Variants in ZSCAN4 observed in about 807,000 individuals in gnomAD.
The protein encoded by ZSCAN4 is zinc finger and SCAN domain containing 4, also known as zinc finger and SCAN domain-containing protein 4.
ZSCAN4 carries 18 observed loss-of-function variants against 18.3 expected under a neutral mutation model. The ratio of observed to expected loss-of-function variants is 0.98; its 90% confidence interval spans 0.68 to 1.46. The LOEUF is 1.46. Among genes scored for constraint, ZSCAN4 ranks in the 40% most tolerant of loss-of-function variants. The pLI, the probability that ZSCAN4 is intolerant of heterozygous loss-of-function variation, is 0.00. For synonymous variants in ZSCAN4, 193 were observed against 180.3 expected (o/e 1.07, Z -0.57); for missense variants, 498 against 511.4 (o/e 0.97, Z 0.25).
At chr19:57,653,917 C>T in the ZSCAN4 span, among the ~76,000 whole-genome samples, 3 of 152,146 alleles carry the variant, frequency 2.0e-5, no homozygotes, top group Non-Finnish European at 4.4e-5. Flanking sequence ...TCAAACAGGT[C>T]CCCCATTCCA....
chr19:57,671,188 A>G (rs994830056), intron 2 of ZSCAN4, among the ~76,000 whole-genome samples: 1 of 152,084 alleles, frequency 6.6e-6, no homozygotes, highest in Non-Finnish European at 1.5e-5. Flanking sequence ...ATTGCATTAT[A>G]TGAAATATGT....
exon 1 of ZSCAN4, chr19:57,668,961 C>T (rs1983932042): frequency 6.6e-6 from 1 of 151,468 alleles, no homozygotes; most frequent in Non-Finnish European, 1.5e-5. Flanking sequence ...TCTCTGAAAA[C>T]TTAAAAGTTT....
chr19:57,670,016 C>G (rs1224367208), intron 1 of ZSCAN4, among the ~76,000 whole-genome samples: 4 of 152,058 alleles, frequency 2.6e-5, no homozygotes, highest in African/African-American at 9.7e-5. Flanking sequence ...AATTCTCCTG[C>G]CTCAGCCTCC....
At chr19:57,657,293 CAAAA>C in the ZSCAN4 span, among the ~76,000 whole-genome samples, 1 of 95,044 alleles carries the variant, frequency 1.1e-5, no homozygotes. Context: ...GACTCCATGT[CAAAA>C]AAAAAAAAAA....
chr19:57,659,173 C>T, the ZSCAN4 span, among the ~76,000 whole-genome samples: 213 of 152,236 alleles, frequency 1.4e-3, no homozygotes, highest in African/African-American at 5.0e-3. Flanking sequence ...CTGTTTCACC[C>T]CATCCTTACC....
At chr19:57,672,878 A>T (rs951735972) in intron 2 of ZSCAN4, among the ~76,000 whole-genome samples, 2 of 152,120 alleles carry the variant, frequency 1.3e-5, no homozygotes, top group African/African-American at 4.8e-5. Flanking sequence ...CTGGGATTAC[A>T]GGGGTGAGCC....
At chr19:57,665,201 A>G (rs867477104), upstream of ZSCAN4, among the ~76,000 whole-genome samples, 4 of 152,192 alleles carry the variant, frequency 2.6e-5, no homozygotes, top group Non-Finnish European at 5.9e-5. Context: ...TAGTAATTGC[A>G]TATTGCACTC....
chr19:57,674,326 C>T (rs1984114366), intron 2 of ZSCAN4, among the ~76,000 whole-genome samples: 1 of 152,148 alleles, frequency 6.6e-6, no homozygotes, highest in Non-Finnish European at 1.5e-5. Context: ...ATTTCCCTCC[C>T]AACTCCCCCG....
chr19:57,666,593 A>C (rs867317952), upstream of ZSCAN4, among the ~76,000 whole-genome samples: 5 of 151,350 alleles, frequency 3.3e-5, no homozygotes, highest in African/African-American at 1.2e-4. Flanking sequence ...AAAAAAAAGA[A>C]AAGAAAGTCA....
intron 3 of ZSCAN4, among the ~76,000 whole-genome samples, chr19:57,677,702 A>G (rs1042849863): frequency 2.0e-5 from 3 of 152,248 alleles, no homozygotes; most frequent in Admixed American, 6.5e-5. Context: ...CCTAGGGGAA[A>G]TGATTCAGTA....
upstream of ZSCAN4, among the ~76,000 whole-genome samples, chr19:57,665,822 G>T (rs1983836359): frequency 6.6e-6 from 1 of 152,158 alleles, no homozygotes; most frequent in South Asian, 2.1e-4. Context: ...TGAGGCAGGA[G>T]AATTGCTTGA....
At chr19:57,675,086 C>G (rs914107512) in intron 2 of ZSCAN4, among the ~76,000 whole-genome samples, 5 of 146,866 alleles carry the variant, frequency 3.4e-5, no homozygotes, top group Middle Eastern at 3.6e-3. Flanking sequence ...ACTGAAGTAG[C>G]TGGGTTTACA....
At chr19:57,652,891 G>A in the ZSCAN4 span, among the ~76,000 whole-genome samples, 2 of 151,872 alleles carry the variant, frequency 1.3e-5, no homozygotes, top group African/African-American at 2.4e-5. Flanking sequence ...ACCTAATCTG[G>A]CATGACCTTT....
chr19:57,664,029 G>A (rs529452166), upstream of ZSCAN4, among the ~76,000 whole-genome samples: 12 of 152,298 alleles, frequency 7.9e-5, no homozygotes, highest in Non-Finnish European at 1.2e-4. Context: ...TACTCAGGAG[G>A]CTGAGGCAGG....
the ZSCAN4 span, among the ~76,000 whole-genome samples, chr19:57,663,809 G>T: frequency 4.3e-4 from 65 of 149,552 alleles, no homozygotes; most frequent in Non-Finnish European, 7.3e-4. Flanking sequence ...AAATTTTATT[G>T]AATTGTAATA....
intron 2 of ZSCAN4, among the ~76,000 whole-genome samples, chr19:57,674,876 C>T (rs964611213): frequency 6.6e-6 from 1 of 151,528 alleles, no homozygotes; most frequent in Non-Finnish European, 1.5e-5. Flanking sequence ...TCCAATGTTT[C>T]ATAGAGATGA....
the ZSCAN4 span, among the ~76,000 whole-genome samples, chr19:57,652,861 G>A: frequency 2.0e-5 from 3 of 151,992 alleles, no homozygotes; most frequent in African/African-American, 7.3e-5. Context: ...AGAGATTTTT[G>A]TACATCACTC....
chr19:57,653,915 G>T, the ZSCAN4 span, among the ~76,000 whole-genome samples: 1 of 152,088 alleles, frequency 6.6e-6, no homozygotes, highest in Non-Finnish European at 1.5e-5. Flanking sequence ...ACTCAAACAG[G>T]TCCCCCATTC....
chr19:57,672,004 G>A (rs911540384), intron 2 of ZSCAN4, among the ~76,000 whole-genome samples: 3 of 151,986 alleles, frequency 2.0e-5, no homozygotes, highest in Non-Finnish European at 2.9e-5. Context: ...TAAAATTGGA[G>A]AAAAAACACA....
Sources: allele counts gnomAD v4.1 joint callset (sites outside exome capture counted in the v4.1 genomes callset), GRCh38; gene constraint gnomAD v4.1.1; transcripts MANE v1.5; gene names NCBI Gene and HGNC (gene_info 2026-07-23, HGNC 2026-07-21).